The following CWH43 variants were observed in gnomAD, a reference collection of about 807,000 sequenced individuals.
CWH43 encodes PGAP2-interacting protein.
CWH43 carries 91 observed loss-of-function variants against 85.7 expected under a neutral mutation model. The ratio of observed to expected loss-of-function variants is 1.06; its 90% CI spans 0.90 to 1.26. The LOEUF (loss-of-function observed/expected upper bound fraction) is 1.26, where lower values mean the gene tolerates loss of function less well. CWH43 is among the 50% of genes most tolerant of loss of function. CWH43 has a pLI of 0.00. For synonymous variants in CWH43, 323 were observed against 293.6 expected (o/e 1.10, Z -1.02); for missense variants, 869 against 839.2 (o/e 1.04, Z -0.44).
chr4:49,038,752 G>A (rs1784342202), intron 13 of CWH43, among the ~76,000 whole-genome samples: 2 of 152,108 alleles, frequency 1.3e-5, no homozygotes, highest in African/African-American at 2.4e-5. Flanking sequence ...AACACAATCT[G>A]CCACATTATG....
chr4:49,028,679 T>C lies in CWH43; in HGVS notation c.1317T>C (p.Tyr439=), dbSNP rs1258009977. The C allele has an allele frequency of 3.8e-5, 62 of 1,613,814 alleles. No individual in the cohort carries two copies. Among genetic ancestry groups the C allele is most frequent in the Admixed American group, 1.2e-4 (7 of 59,994 alleles). The part of the protein sequence containing the change: ...SAAIWPFRFG[Y]DNEGWSSLER... Reference sequence around the variant, plus strand: ...CCATCTGGCCTTTCAGGTTTGGATATGACAATGAAGGGTGGTCTAGTCTAG... The same window carrying C: ...CCATCTGGCCTTTCAGGTTTGGATACGACAATGAAGGGTGGTCTAGTCTAG... Residue 439 remains tyrosine (Y), a synonymous_variant, in exon 10 of 16, where the codon TAT becomes TAC. Transcript: ENST00000226432.
Position 49,050,700 on chromosome 4 carries a change from T to C in CWH43, c.1872T>C (p.Gly624=), listed in dbSNP as rs758217233. 3.6e-5 allele frequency: 58 copies of C among 1,610,622 alleles called. No homozygotes were observed. Among genetic ancestry groups the C allele is most frequent in the Non-Finnish European group, 4.8e-5 (57 of 1,178,712 alleles). The change falls in exon 15 of 16, where the codon GGT becomes GGC. Residue 624 remains glycine (G), a synonymous_variant. Coordinates refer to ENST00000226432, the MANE Select transcript of CWH43 (RefSeq NM_025087.3). ...ATTTCTGTTTCTGCTACAGGTTGGG[T>C]TATGCAAGAATCTCCCATGCTGAAC... is the stretch of plus-strand genomic sequence containing the variant. The part of the protein sequence containing the change: ...YIMYRGLIRL[G]YARISHAELS...
chr4:48,998,683 G>A, intron 6 of CWH43, 135 bp downstream of exon 6: 1 of 682,400 alleles, frequency 1.5e-6, no homozygotes, highest in Non-Finnish European at 2.7e-6. Context: ...GTTGTAAACA[G>A]CAACTATAAT....
chr4:49,002,078 G>A (rs1290234682), intron 6 of CWH43, among the ~76,000 whole-genome samples: 1 of 152,072 alleles, frequency 6.6e-6, no homozygotes, highest in Admixed American at 6.6e-5. Context: ...ACAAGTATTA[G>A]GTTTCCTGAA....
chr4:49,034,035 C>G (rs569453234), intron 12 of CWH43, among the ~76,000 whole-genome samples: 20 of 152,202 alleles, frequency 1.3e-4, no homozygotes, highest in African/African-American at 4.3e-4. Context: ...TTAAAAAACT[C>G]AGATCATAAA....
chr4:49,039,279 C>G, intron 13 of CWH43, among the ~76,000 whole-genome samples: 1 of 49,820 alleles, frequency 2.0e-5, no homozygotes, highest in South Asian at 7.0e-4. Flanking sequence ...TGGGGAACTG[C>G]CACACAAATC....
chr4:48,989,048 C>A (rs1782576182), intron 2 of CWH43, among the ~76,000 whole-genome samples: 1 of 152,086 alleles, frequency 6.6e-6, no homozygotes, highest in Non-Finnish European at 1.5e-5. Context: ...ATGAAAAACA[C>A]CACAGTAAGC....
At chr4:49,023,994 A>G (rs1285708216) in intron 9 of CWH43, among the ~76,000 whole-genome samples, 1 of 152,146 alleles carries the variant, frequency 6.6e-6, no homozygotes, top group Admixed American at 6.5e-5. Context: ...TCTTAGGTCT[A>G]ATAGTAATTG....
chr4:48,996,936 A>C (rs546211738), intron 5 of CWH43, among the ~76,000 whole-genome samples: 6 of 152,228 alleles, frequency 3.9e-5, no homozygotes, highest in Non-Finnish European at 8.8e-5. Flanking sequence ...GTTTCTTGAG[A>C]TGTTAATGGT....
chr4:49,017,172 A>C lies in CWH43; in HGVS notation c.1187-77A>C, dbSNP rs1015568039. On this transcript the variant is annotated intron_variant, in intron 8 of 15. Coordinates refer to ENST00000226432, the MANE Select transcript of CWH43 (RefSeq NM_025087.3). ...GGTGCCATGGCACTGGAGCTGAGGC[A>C]CTGAAGGTCAGTGTCAGCAAATTTA... is the stretch of plus-strand genomic sequence containing the variant. The C allele has an allele frequency of 4.8e-6, 6 of 1,251,028 alleles. No individual in the cohort carries two copies. The African/African-American group carries it at 9.1e-5, about 19-fold the overall frequency. The allele number at this position is 1,251,028 out of a possible 1,614,324, so 77.5% of individuals were successfully genotyped here.
intron 6 of CWH43, among the ~76,000 whole-genome samples, chr4:48,999,762 A>G (rs1782930881): frequency 6.6e-6 from 1 of 152,116 alleles, no homozygotes; most frequent in South Asian, 2.1e-4. Flanking sequence ...ATGAAGCTCC[A>G]TTTCCCTTTC....
intron 15 of CWH43, among the ~76,000 whole-genome samples, chr4:49,057,287 T>C (rs1208284996): frequency 6.6e-6 from 1 of 152,184 alleles, no homozygotes; most frequent in Non-Finnish European, 1.5e-5. Context: ...AAGATGAACA[T>C]TGGTTCAGTC....
chr4:49,018,638 TGTTGTGCTTTC>T (rs1371594035), intron 9 of CWH43, among the ~76,000 whole-genome samples: 1 of 152,240 alleles, frequency 6.6e-6, no homozygotes, highest in Non-Finnish European at 1.5e-5. Flanking sequence ...AGTAATTGAA[TGTTGTGCTTTC>T]TATCTGATCT....
At chr4:48,997,351 G>T (rs1038159488) in intron 5 of CWH43, among the ~76,000 whole-genome samples, 1 of 151,584 alleles carries the variant, frequency 6.6e-6, no homozygotes, top group African/African-American at 2.4e-5. Context: ...GAGTCACTGT[G>T]CCTGGCCCTA....
chr4:49,032,302 T>A (rs1784122066), intron 11 of CWH43, among the ~76,000 whole-genome samples: 1 of 152,254 alleles, frequency 6.6e-6, no homozygotes, highest in Non-Finnish European at 1.5e-5. Context: ...TTTTTTGTAT[T>A]ACTAATGCTG....
intron 12 of CWH43, among the ~76,000 whole-genome samples, chr4:49,036,763 G>A (rs1424645076): frequency 6.6e-6 from 1 of 152,190 alleles, no homozygotes; most frequent in Non-Finnish European, 1.5e-5. Flanking sequence ...CTAGTGCAAG[G>A]TTGGAGGGAG....
intron 14 of CWH43, among the ~76,000 whole-genome samples, chr4:49,046,743 G>C (rs1395765833): frequency 6.6e-6 from 1 of 152,142 alleles, no homozygotes; most frequent in Non-Finnish European, 1.5e-5. Flanking sequence ...AAGGAGGCCA[G>C]TGTCGCTGGA....
intron 11 of CWH43, 51 bp from the exon 12 acceptor site, chr4:49,032,515 G>A: frequency 6.2e-7 from 1 of 1,602,022 alleles, no homozygotes; most frequent in African/African-American, 1.3e-5. Flanking sequence ...CCCAGTGCAT[G>A]GTAGAATGGG....
intron 5 of CWH43, among the ~76,000 whole-genome samples, chr4:48,996,747 G>A (rs1782827057): frequency 6.6e-6 from 1 of 152,156 alleles, no homozygotes; most frequent in South Asian, 2.1e-4. Flanking sequence ...TACATCCCTG[G>A]CCTTGCTTTA....
Sources: allele counts gnomAD v4.1 joint callset (sites outside exome capture counted in the v4.1 genomes callset), GRCh38; gene constraint gnomAD v4.1.1; transcripts MANE v1.5; gene names NCBI Gene and HGNC (gene_info 2026-07-23, HGNC 2026-07-21).